The following EFL1 variants were observed in gnomAD, a reference collection of about 807,000 sequenced individuals.
The protein encoded by EFL1 is elongation factor like GTPase 1.
In EFL1, 76 loss-of-function variants were observed where a neutral mutation model predicts 126.7. The ratio of observed to expected loss-of-function variants is 0.60; its 90% CI spans 0.50 to 0.73. The LOEUF (loss-of-function observed/expected upper bound fraction) is 0.73, where lower values mean the gene tolerates loss of function less well. Among genes scored for constraint, EFL1 ranks in the 30% least tolerant of loss-of-function variants. EFL1 has a pLI of 0.00. For synonymous variants in EFL1, 410 were observed against 448.4 expected, an observed-to-expected ratio of 0.91 and a Z score of 1.08; for missense variants, 1,128 against 1,343.2, an observed-to-expected ratio of 0.84 and a Z score of 2.50.
chr15:82,218,401 G>C (rs2074673639), intron 14 of EFL1, among the ~76,000 whole-genome samples: 1 of 152,066 alleles, frequency 6.6e-6, no homozygotes, highest in South Asian at 2.1e-4. Context: ...TATCATTCCT[G>C]CTTAAGACAT....
intron 18 of EFL1, among the ~76,000 whole-genome samples, chr15:82,147,318 C>T (rs756923288): frequency 6.6e-6 from 1 of 152,066 alleles, no homozygotes; most frequent in Non-Finnish European, 1.5e-5. Context: ...CAGACCTATG[C>T]GGGCCCTGGA....
Position 82,186,842 on chromosome 15 carries a change from G to A in EFL1, c.1751-22858C>T, listed in dbSNP as rs146392131. Among the ~76,000 whole-genome samples, 36 of 152,118 alleles carry A rather than the reference G, an allele frequency of 2.4e-4. No homozygotes were observed. In the East Asian group the frequency reaches 6.8e-3, roughly 29 times the overall value. Reference sequence around the variant, plus strand: ...AGTACTTGAGTCCTCTTTGATGATCGAGGCTTGTTTTGCTCTAAATTGCAG... The same window carrying A: ...AGTACTTGAGTCCTCTTTGATGATCAAGGCTTGTTTTGCTCTAAATTGCAG... On this transcript the variant is annotated intron_variant, in intron 15 of 19. Transcript: ENST00000268206.
intron 18 of EFL1, among the ~76,000 whole-genome samples, chr15:82,147,160 C>T (rs1420547365): frequency 1.3e-5 from 2 of 152,054 alleles, no homozygotes; most frequent in African/African-American, 4.8e-5. Context: ...ACGTGTTGTG[C>T]TGAAAATTCA....
intron 17 of EFL1, among the ~76,000 whole-genome samples, chr15:82,157,179 G>A (rs2073977146): frequency 6.6e-6 from 1 of 152,150 alleles, no homozygotes; most frequent in Non-Finnish European, 1.5e-5. Flanking sequence ...CATGATAACT[G>A]AATGATTCTT....
chr15:82,233,949 A>G (rs2074847547), intron 7 of EFL1, among the ~76,000 whole-genome samples: 1 of 152,200 alleles, frequency 6.6e-6, no homozygotes, highest in African/African-American at 2.4e-5. Flanking sequence ...TTTCCCATAA[A>G]TTCACATATC....
chr15:82,192,954 C>T (rs1272374295), intron 15 of EFL1, among the ~76,000 whole-genome samples: 3 of 152,124 alleles, frequency 2.0e-5, no homozygotes, highest in Non-Finnish European at 2.9e-5. Context: ...TTGTGATCAA[C>T]GGTTATGTCA....
chr15:82,150,352 G>A (rs866590485), intron 18 of EFL1, among the ~76,000 whole-genome samples: 1 of 152,294 alleles, frequency 6.6e-6, no homozygotes, highest in Middle Eastern at 3.4e-3. Context: ...GGGCCTCAGG[G>A]TTAGAGGAAA....
chr15:82,250,298 G>C (rs1441515113), intron 4 of EFL1, among the ~76,000 whole-genome samples: 1 of 115,428 alleles, frequency 8.7e-6, no homozygotes, highest in African/African-American at 3.4e-5. Flanking sequence ...ATGACTGCTC[G>C]GCCCAAATTC....
chr15:82,253,360 T>G (rs1175136939), intron 3 of EFL1, among the ~76,000 whole-genome samples: 7 of 151,480 alleles, frequency 4.6e-5, no homozygotes, highest in Non-Finnish European at 8.8e-5. Context: ...TTTTTTTTTT[T>G]AAGATGATGG....
intron 15 of EFL1, 132 bp from the exon 16 acceptor site, chr15:82,164,116 C>T (rs963960695): frequency 4.6e-6 from 5 of 1,092,676 alleles, no homozygotes; most frequent in South Asian, 1.9e-5. Flanking sequence ...AGAAATGAGG[C>T]GGACCTGCAC....
rs199923307 is a variant in EFL1 at position 82,253,346 on chromosome 15, C to CT, written c.160-572dup. On this transcript the variant is annotated intron_variant, in intron 3 of 19. Coordinates refer to ENST00000268206, the MANE Select transcript of EFL1 (RefSeq NM_024580.6). ...TGAGCTACCGCGCCTAGCCCTCTCT[C>CT]TTTTTTTTTTTTTTAAGATGATGGG... is the stretch of plus-strand genomic sequence containing the variant. Among the ~76,000 whole-genome samples, 433 of 143,068 alleles carry CT rather than the reference C, an allele frequency of 3.0e-3. 2 individuals are homozygous for CT. Among genetic ancestry groups the CT allele is most frequent in the African/African-American group, 6.7e-3 (264 of 39,284 alleles). The allele number at this position is 143,068 out of a possible 152,430, so 93.9% of individuals were successfully genotyped here.
chr15:82,147,880 G>A (rs894292102), intron 18 of EFL1, among the ~76,000 whole-genome samples: 1 of 152,126 alleles, frequency 6.6e-6, no homozygotes, highest in African/African-American at 2.4e-5. Flanking sequence ...AACTCAGGTG[G>A]ATCAGTAGCA....
intron 19 of EFL1, among the ~76,000 whole-genome samples, chr15:82,131,929 A>T (rs1003002538): frequency 6.6e-5 from 10 of 152,248 alleles, no homozygotes; most frequent in African/African-American, 2.4e-4. Flanking sequence ...AAAAGTCTCA[A>T]AGGAAAGTCA....
At chr15:82,241,904 A>G (rs1378238039) in intron 4 of EFL1, among the ~76,000 whole-genome samples, 1 of 152,228 alleles carries the variant, frequency 6.6e-6, no homozygotes, top group Non-Finnish European at 1.5e-5. Context: ...ACTCAATTCT[A>G]CAAAAACTTA....
intron 18 of EFL1, among the ~76,000 whole-genome samples, chr15:82,148,371 C>G (rs957344302): frequency 7.4e-6 from 1 of 135,852 alleles, no homozygotes; most frequent in African/African-American, 2.9e-5. Flanking sequence ...GAGTGAGAAT[C>G]CATCTCAAAA....
chr15:82,172,131 C>CA (rs1282892560), intron 15 of EFL1, among the ~76,000 whole-genome samples: 1 of 150,762 alleles, frequency 6.6e-6, no homozygotes, highest in Non-Finnish European at 1.5e-5. Context: ...AAATTAAAAC[C>CA]AGATACTATT....
At chr15:82,172,653 C>T (rs540670737) in intron 15 of EFL1, among the ~76,000 whole-genome samples, 3 of 152,274 alleles carry the variant, frequency 2.0e-5, no homozygotes, top group South Asian at 4.1e-4. Context: ...GGAATTACCA[C>T]GTAAATCAAA....
chr15:82,151,891 C>T lies in EFL1; in HGVS notation c.2563G>A (p.Ala855Thr), dbSNP rs756115966. The stretch of plus-strand genomic sequence containing the variant: ...CGGTATCTACTGGCTTCTTTTGAAG[C>T]TTTGTCAGCTGGACCTGTCCATACT... ...NSVWTGPADK[A>T]SKEASRYRDL... Residue 855 changes from alanine (A) to threonine (T), a missense_variant, in exon 18 of 20, where the codon GCT (alanine) becomes ACT (threonine). This residue lies in a region of EFL1 where 561 missense variants were observed against 641.7 expected (regional missense o/e 0.87). Coordinates refer to ENST00000268206, the MANE Select transcript of EFL1 (RefSeq NM_024580.6). The T allele has an allele frequency of 6.2e-7, 1 of 1,614,110 alleles. No homozygotes were observed. Among genetic ancestry groups the T allele is most frequent in the Non-Finnish European group, 8.5e-7 (1 of 1,180,042 alleles).
intron 19 of EFL1, among the ~76,000 whole-genome samples, chr15:82,133,129 T>C (rs567217990): frequency 4.0e-4 from 61 of 152,296 alleles, no homozygotes; most frequent in East Asian, 1.7e-3. Flanking sequence ...CTTGATTACA[T>C]AAAGCTACAT....
Sources: gnomAD v4.1 joint callset for allele counts (sites outside exome capture counted in the v4.1 genomes callset) on GRCh38, gnomAD v4.1.1 for gene constraint, gnomAD v4.1.1 regional missense constraint, MANE v1.5 for transcripts, NCBI Gene and HGNC (gene_info 2026-07-23, HGNC 2026-07-21) for gene names.